The following PRIMPOL variants were observed in gnomAD, a reference collection of about 807,000 sequenced individuals.
PRIMPOL encodes the protein primase and DNA directed polymerase, also known as DNA-directed primase/polymerase protein.
In PRIMPOL, 54 loss-of-function variants were observed where a neutral mutation model predicts 63.6. The observed-to-expected ratio is 0.85, with a 90% confidence interval of 0.68 to 1.07. The LOEUF is 1.07. Among genes scored for constraint, PRIMPOL ranks in the 50% least tolerant of loss-of-function variants. The pLI is 0.00. For missense variants in PRIMPOL, 610 were observed against 648.3 expected, an observed-to-expected ratio of 0.94 and a Z score of 0.64; for synonymous variants, 197 against 220.2, an observed-to-expected ratio of 0.89 and a Z score of 0.93.
chr4:184,687,283 C>A (rs1415718736), intron 11 of PRIMPOL, among the ~76,000 whole-genome samples: 7 of 152,124 alleles, frequency 4.6e-5, no homozygotes, highest in Non-Finnish European at 1.0e-4. Flanking sequence ...GTTGGCTGGG[C>A]TGGTCTCAAA....
chr4:184,674,552 G>A (rs1752768020), intron 7 of PRIMPOL, among the ~76,000 whole-genome samples: 1 of 152,084 alleles, frequency 6.6e-6, no homozygotes, highest in African/African-American at 2.4e-5. Flanking sequence ...CAACAATGCA[G>A]GGCTTAGGGG....
chr4:184,654,452 A>AGTTGTTTTTTTTT (rs1553985958), intron 2 of PRIMPOL, among the ~76,000 whole-genome samples: 2 of 126,576 alleles, frequency 1.6e-5, no homozygotes, highest in Admixed American at 8.4e-5. Context: ...AAGTTAAAGC[A>AGTTGTTTTTTTTT]GTTTTTTTTT....
chr4:184,671,916 A>AT (rs1751814164), intron 6 of PRIMPOL, among the ~76,000 whole-genome samples: 1 of 151,154 alleles, frequency 6.6e-6, no homozygotes, highest in Non-Finnish European at 1.5e-5. Context: ...AATTTTTTGT[A>AT]TTTTTAGTAG....
intron 1 of PRIMPOL, among the ~76,000 whole-genome samples, 191 bp downstream of exon 1, chr4:184,650,099 T>C (rs1176450576): frequency 3.9e-5 from 6 of 152,254 alleles, no homozygotes; most frequent in Admixed American, 3.9e-4. Context: ...AGCCACGAGC[T>C]GCGTGGAGTT....
chr4:184,655,006 T>C lies in PRIMPOL; in HGVS notation c.-59-2076T>C, dbSNP rs577176844. Among the ~76,000 whole-genome samples, 1,242 of 149,398 alleles carry C rather than the reference T, an allele frequency of 8.3e-3. 16 individuals carry two copies. The highest frequency in any genetic ancestry group is 0.029 in the African/African-American group (1,175 of 40,776). ...TAACAAGGTCATGATGTACTATCCC[T>C]TTTTTTTTTCTTTTCTTTTGAGATG... On this transcript the variant is annotated intron_variant, in intron 2 of 13. Transcript: ENST00000314970.
At chr4:184,672,955 C>T (rs1752215956) in intron 7 of PRIMPOL, among the ~76,000 whole-genome samples, 1 of 152,018 alleles carries the variant, frequency 6.6e-6, no homozygotes, top group Non-Finnish European at 1.5e-5. Context: ...TTGCTAGGCC[C>T]TGGTCTCAGA....
chr4:184,654,514 G>A lies in PRIMPOL; in HGVS notation c.-60+2414G>A, dbSNP rs574346751. ...TGCCCAGGCTAGAGTGCAGTGGCAC[G>A]ATCTTGGCTCACTGCAAGCTCTGCC... On this transcript the variant is annotated intron_variant, in intron 2 of 13. Transcript: ENST00000314970. Among the ~76,000 whole-genome samples the A allele has an allele frequency of 5.6e-4, 77 of 138,132 alleles. 2 individuals are homozygous for A. In the South Asian group the frequency reaches 0.012, roughly 21 times the overall value. 90.6% of individuals were successfully genotyped at this position (138,132 alleles called of 152,430 possible).
intron 3 of PRIMPOL, 84 bp downstream of exon 3, chr4:184,657,404 T>TA: frequency 5.4e-6 from 6 of 1,116,846 alleles, no homozygotes; most frequent in Non-Finnish European, 6.1e-6. Flanking sequence ...TTTCAGTTCT[T>TA]TAAAAAAAAA....
rs550131823 is a variant in PRIMPOL at position 184,685,825 on chromosome 4, G to A, written c.1295+141G>A. On this transcript the variant is annotated intron_variant, in intron 11 of 13. Transcript: ENST00000314970. ...TAAATTTCTTTTTTTTTTCCAAGAC[G>A]AAATCTTGCTCTGTCGCCCAGGCTG... is the stretch of plus-strand genomic sequence containing the variant. 10 of 460,854 alleles carry A rather than the reference G, an allele frequency of 2.2e-5. No homozygotes were observed. The East Asian group carries it at 3.0e-4, about 14-fold the overall frequency. 28.5% of individuals were successfully genotyped at this position (460,854 alleles called of 1,614,324 possible).
At chr4:184,658,035 T>TAAATAAATAAATAAAA (rs1553988171) in intron 3 of PRIMPOL, among the ~76,000 whole-genome samples, 239 of 147,124 alleles carry the variant, frequency 1.6e-3, no homozygotes, top group Middle Eastern at 3.5e-3. Context: ...AATAAATAAA[T>TAAATAAATAAATAAAA]ATCACTAAAT....
At position 184,649,926 on chromosome 4, in the gene PRIMPOL, T is replaced by G. The variant is rs772129184; in HGVS notation, c.-138+18T>G. 14 of 152,282 alleles carry G rather than the reference T, an allele frequency of 9.2e-5. No homozygotes were observed. Among genetic ancestry groups the G allele is most frequent in the Non-Finnish European group, 2.1e-4 (14 of 68,080 alleles). The allele number at this position is 152,282 out of a possible 1,614,324, so 9.4% of individuals were successfully genotyped here. A position where few individuals can be genotyped will look rare whatever the true frequency, so the allele number is the denominator to read the frequency against. On this transcript the variant is annotated intron_variant, in intron 1 of 13. Coordinates refer to ENST00000314970, the MANE Select transcript of PRIMPOL (RefSeq NM_152683.4). ...GCCCACCGGTAATTTCTGTCTCCTC[T>G]GCGATGACCTGAGGCCTTTCTTTGG...
Position 184,685,507 on chromosome 4 carries a change from A to T in PRIMPOL, c.1186+9A>T, listed in dbSNP as rs1305585418. On this transcript the variant is annotated intron_variant, in intron 10 of 13. Transcript: ENST00000314970. ...AGATGGCATTAAAGGAGGTAAAGTTAATCTCATCCTTTGTTAACTGTTATA... is the reference window on the plus strand; with the variant it reads ...AGATGGCATTAAAGGAGGTAAAGTTTATCTCATCCTTTGTTAACTGTTATA... The T allele has an allele frequency of 6.9e-6, 11 of 1,596,938 alleles. No homozygotes were observed. In the African/African-American group the frequency reaches 8.0e-5, roughly 12 times the overall value.
At chr4:184,688,847 C>T (rs187452396) in intron 11 of PRIMPOL, among the ~76,000 whole-genome samples, 4 of 152,210 alleles carry the variant, frequency 2.6e-5, no homozygotes, top group African/African-American at 7.2e-5. Context: ...TTCATGGTTC[C>T]CCTGGTGTCT....
rs767532493 is a variant in PRIMPOL at position 184,678,525 on chromosome 4, C to CTTTT, written c.1007+148_1007+151dup. ...TAAGAAAATGTCAGTTCTTACAGCT[C>CTTTT]TTTTTTTTTTTTTTTTTTTTGATAC... is the stretch of plus-strand genomic sequence containing the variant. On this transcript the variant is annotated intron_variant, in intron 8 of 13. Coordinates refer to ENST00000314970, the MANE Select transcript of PRIMPOL (RefSeq NM_152683.4). 32 of 338,632 alleles carry CTTTT rather than the reference C, an allele frequency of 9.4e-5. 1 individual carries two copies. Among genetic ancestry groups the CTTTT allele is most frequent in the Non-Finnish European group, 1.3e-4 (25 of 195,654 alleles). 21.0% of individuals were successfully genotyped at this position (338,632 alleles called of 1,614,324 possible).
chr4:184,693,995 T>G (rs1759789413), intron 13 of PRIMPOL, among the ~76,000 whole-genome samples: 1 of 152,160 alleles, frequency 6.6e-6, no homozygotes, highest in Non-Finnish European at 1.5e-5. Flanking sequence ...AAATAATGTA[T>G]TGGGCGGATC....
intron 2 of PRIMPOL, among the ~76,000 whole-genome samples, chr4:184,655,301 C>G (rs1054607771): frequency 4.7e-5 from 7 of 150,510 alleles, no homozygotes; most frequent in Admixed American, 2.0e-4. Flanking sequence ...TGAACCACGG[C>G]GCCTGGTCTA....
chr4:184,658,692 A>G (rs866085639), intron 3 of PRIMPOL, among the ~76,000 whole-genome samples: 3 of 152,268 alleles, frequency 2.0e-5, no homozygotes, highest in Non-Finnish European at 2.9e-5. Context: ...GATCACTTTG[A>G]GGTCAGGAGT....
chr4:184,679,702 C>A (rs1755086052), intron 8 of PRIMPOL, among the ~76,000 whole-genome samples: 1 of 152,132 alleles, frequency 6.6e-6, no homozygotes, highest in South Asian at 2.1e-4. Flanking sequence ...AGCGAGCGAG[C>A]AATACCACCT....
chr4:184,658,644 G>T (rs1747302266), intron 3 of PRIMPOL, among the ~76,000 whole-genome samples: 1 of 152,070 alleles, frequency 6.6e-6, no homozygotes. Flanking sequence ...GGTGGCTCAT[G>T]CCTGTAATCC....
Sources: allele counts gnomAD v4.1 joint callset (sites outside exome capture counted in the v4.1 genomes callset), GRCh38; gene constraint gnomAD v4.1.1; transcripts MANE v1.5; gene names NCBI Gene and HGNC (gene_info 2026-07-23, HGNC 2026-07-21).